ETNPPL: variants seen among roughly 807,000 people sequenced by gnomAD.
ETNPPL encodes the protein ethanolamine-phosphate phospho-lyase.
In ETNPPL, 30 loss-of-function variants were observed where a neutral mutation model predicts 55.5. That is an observed-to-expected ratio of 0.54 (90% CI 0.40 to 0.73). The LOEUF (loss-of-function observed/expected upper bound fraction) is 0.73. ETNPPL is among the 30% of genes least tolerant of loss of function. The probability of loss-of-function intolerance (pLI) is 0.00; values close to 1 mark genes in which losing one functional copy is unlikely to be tolerated. For missense variants in ETNPPL, 528 were observed against 607.9 expected (o/e 0.87, Z 1.38); for synonymous variants, 202 against 207.2 (o/e 0.98, Z 0.21).
intron 6 of ETNPPL, 87 bp from the exon 7 acceptor site, chr4:108,751,105 A>T (rs1728893317): frequency 7.8e-6 from 7 of 897,794 alleles, no homozygotes; most frequent in African/African-American, 1.6e-5. Context: ...AGGTTATTTT[A>T]AAAATGGCTA....
In ETNPPL at chr4:108,742,334, T is replaced by C. The variant is rs1728255678; in HGVS notation, c.*150A>G. Reference sequence around the variant, plus strand: ...TTGACATGGTTTGATTATCACTTGGTTTATTCTGATTACTCATTTACCTTT... The same window carrying C: ...TTGACATGGTTTGATTATCACTTGGCTTATTCTGATTACTCATTTACCTTT... On this transcript the variant is annotated 3_prime_UTR_variant, in exon 13 of 13. Coordinates refer to ENST00000296486, the MANE Select transcript of ETNPPL (RefSeq NM_031279.4). 2.8e-6 allele frequency: 2 copies of C among 719,160 alleles called. No homozygotes were observed. Among genetic ancestry groups the C allele is most frequent in the South Asian group, 2.0e-5 (1 of 50,466 alleles). The allele number at this position is 719,160 out of a possible 1,614,324, so 44.5% of individuals were successfully genotyped here.
intron 4 of ETNPPL, 92 bp from the exon 5 acceptor site, chr4:108,754,802 A>G (rs1173512913): frequency 1.1e-5 from 9 of 784,240 alleles, no homozygotes; most frequent in Middle Eastern, 2.3e-4. Context: ...TTTCATCCAT[A>G]TGCATCCATC....
At chr4:108,750,518 G>A (rs1288712084) in intron 7 of ETNPPL, among the ~76,000 whole-genome samples, 1 of 150,092 alleles carries the variant, frequency 6.7e-6, no homozygotes, top group Non-Finnish European at 1.5e-5. Context: ...GTGTGTGTGT[G>A]TGTGTGTATG....
At chr4:108,751,113 C>T in intron 6 of ETNPPL, 95 bp from the exon 7 acceptor site, 1 of 822,214 alleles carries the variant, frequency 1.2e-6, no homozygotes, top group Non-Finnish European at 2.0e-6. Context: ...TTAAAAATGG[C>T]TAGGAATAGA....
chr4:108,742,809 C>G (rs993643123), intron 12 of ETNPPL, among the ~76,000 whole-genome samples, 197 bp from the exon 13 acceptor site: 16 of 152,224 alleles, frequency 1.1e-4, no homozygotes, highest in Non-Finnish European at 2.1e-4. Context: ...ATCCGGGACT[C>G]CGAGTCAACT....
chr4:108,751,597 A>G (rs537454643), intron 6 of ETNPPL, among the ~76,000 whole-genome samples: 3 of 152,372 alleles, frequency 2.0e-5, no homozygotes, highest in East Asian at 3.9e-4. Flanking sequence ...AAAGAGAAGT[A>G]GGAAACAGAT....
At chr4:108,760,151 C>T (rs1331195334) in intron 2 of ETNPPL, 37 bp downstream of exon 2, 7 of 1,402,514 alleles carry the variant, frequency 5.0e-6, no homozygotes, top group East Asian at 2.3e-5. Flanking sequence ...ACTCCATGAA[C>T]ATTTCCTCCA....
intron 1 of ETNPPL, chr4:108,762,627 A>T: frequency 1.5e-6 from 1 of 654,552 alleles, no homozygotes; most frequent in Non-Finnish European, 2.8e-6. Context: ...GGGACTTTCG[A>T]GCGGGCAGGA....
chr4:108,758,006 C>CTTTTTTTTTTTTTTTTTTTTTTTT (rs11307616), intron 3 of ETNPPL, among the ~76,000 whole-genome samples: 1 of 116,726 alleles, frequency 8.6e-6, no homozygotes, highest in Non-Finnish European at 1.8e-5. Context: ...ATATTTCTTT[C>CTTTTTTTTTTTTTTTTTTTTTTTT]TTTTTTTTTT....
chr4:108,753,135 T>C (rs1165929358), intron 5 of ETNPPL, 124 bp from the exon 6 acceptor site: 2 of 604,240 alleles, frequency 3.3e-6, no homozygotes, highest in Middle Eastern at 2.7e-4. Context: ...CTTTAGGTTT[T>C]TTTGTTCTTT....
intron 7 of ETNPPL, among the ~76,000 whole-genome samples, chr4:108,750,586 T>C (rs1728853835): frequency 6.9e-6 from 1 of 143,894 alleles, no homozygotes; most frequent in South Asian, 2.4e-4. Flanking sequence ...ATATATGATA[T>C]GTGATATATC....
At chr4:108,743,383 C>T (rs112471439) in intron 12 of ETNPPL, among the ~76,000 whole-genome samples, 2 of 152,212 alleles carry the variant, frequency 1.3e-5, no homozygotes, top group Admixed American at 6.5e-5. Flanking sequence ...TAGAACCAAA[C>T]TCTGGCACTT....
Position 108,742,480 on chromosome 4 carries a change from T to A in ETNPPL, c.*4A>T. On this transcript the variant is annotated 3_prime_UTR_variant, in exon 13 of 13. Coordinates refer to ENST00000296486, the MANE Select transcript of ETNPPL (RefSeq NM_031279.4). ...ATCGCATCTTGCTTTAAAATGCAAATCAGTCATGTCTTGAGCCTCTTACTG... is the reference window on the plus strand; with the variant it reads ...ATCGCATCTTGCTTTAAAATGCAAAACAGTCATGTCTTGAGCCTCTTACTG... The A allele has an allele frequency of 1.2e-6, 2 of 1,614,040 alleles. 1 individual carries two copies. Among genetic ancestry groups the A allele is most frequent in the South Asian group, 2.2e-5 (2 of 91,074 alleles).
chr4:108,744,714 AATT>A (rs1728383708), intron 11 of ETNPPL, among the ~76,000 whole-genome samples: 1 of 132,638 alleles, frequency 7.5e-6, no homozygotes, highest in Non-Finnish European at 1.5e-5. Context: ...GAGAAGTTGA[AATT>A]TTTTTTTTTT....
rs1290769747 is a variant in ETNPPL, at chr4:108,762,855, T to C, written c.44A>G (p.Lys15Arg). The C allele has an allele frequency of 2.5e-6, 4 of 1,614,138 alleles. No individual in the cohort carries two copies. The South Asian group carries it at 4.4e-5, about 18-fold the overall frequency. ...AGGGTGCCCTTACCCGATGTGCTTC[T>C]TCCTCAGCCCCAGAGTGTCCCGCTT... is the stretch of plus-strand genomic sequence containing the variant. ...YSKRDTLGLRKKHIGPSCKVF... is the reference protein window; with the variant it reads ...YSKRDTLGLRRKHIGPSCKVF... The change falls in exon 1 of 13, where the codon AAG becomes AGG. Residue 15 changes from lysine (K) to arginine (R), a missense_variant. Physicochemically the swap from Lys to Arg is conservative, Grantham distance 26 (BLOSUM62 2). Coordinates refer to ENST00000296486, the MANE Select transcript of ETNPPL (RefSeq NM_031279.4).
At chr4:108,761,365 T>C (rs970449217) in intron 1 of ETNPPL, among the ~76,000 whole-genome samples, 1 of 152,202 alleles carries the variant, frequency 6.6e-6, no homozygotes, top group Non-Finnish European at 1.5e-5. Flanking sequence ...ATTTTAAAAT[T>C]GCATAAGGTT....
Position 108,762,785 on chromosome 4 carries a change from C to T in ETNPPL, c.56+58G>A, listed in dbSNP as rs1341078535. The T allele has an allele frequency of 1.9e-6, 3 of 1,583,680 alleles. No individual in the cohort carries two copies. In the South Asian group the frequency reaches 3.3e-5, roughly 17 times the overall value. On this transcript the variant is annotated intron_variant, in intron 1 of 12. Transcript: ENST00000296486. ...TCCCTAGCCGGCTTTCTCTCTCCAC[C>T]TTCTGCACTCGTTATTGCCCCCTCT...
chr4:108,761,251 A>G (rs532194285), intron 1 of ETNPPL, among the ~76,000 whole-genome samples: 39 of 152,182 alleles, frequency 2.6e-4, no homozygotes, highest in Non-Finnish European at 4.3e-4. Context: ...ATACAAAAAA[A>G]CCCTCACACA....
At chr4:108,747,912 T>C in intron 9 of ETNPPL, 93 bp downstream of exon 9, 1 of 1,084,040 alleles carries the variant, frequency 9.2e-7, no homozygotes, top group Non-Finnish European at 1.3e-6. Flanking sequence ...GTAGTTTTAA[T>C]AGAGACGGGG....
Sources: allele counts gnomAD v4.1 joint callset (sites outside exome capture counted in the v4.1 genomes callset), GRCh38; gene constraint gnomAD v4.1.1; transcripts MANE v1.5; gene names NCBI Gene and HGNC (gene_info 2026-07-23, HGNC 2026-07-21).